SYT9: variants seen among roughly 807,000 people sequenced by gnomAD.
SYT9 encodes synaptotagmin 9, also known as synaptotagmin-9.
A neutral mutation model predicts 48.4 loss-of-function variants in SYT9; 22 were observed. The observed-to-expected ratio is 0.45, with a 90% CI of 0.32 to 0.65. SYT9 has a LOEUF of 0.65. Among genes scored for constraint, SYT9 ranks in the 30% least tolerant of loss-of-function variants. The pLI is 0.03. For missense variants in SYT9, 577 were observed against 622.0 expected, an observed-to-expected ratio of 0.93 and a Z score of 0.77; for synonymous variants, 265 against 245.0, an observed-to-expected ratio of 1.08 and a Z score of -0.76.
At chr11:7,408,773 G>A (rs1199394833) in intron 3 of SYT9, among the ~76,000 whole-genome samples, 1 of 152,100 alleles carries the variant, frequency 6.6e-6, no homozygotes, top group African/African-American at 2.4e-5. Context: ...CAAAGAAATG[G>A]TTGACTTCCT....
In SYT9 at chr11:7,252,430, G is replaced by A; in HGVS notation, c.145+99G>A. 1.6e-6 allele frequency: 2 copies of A among 1,283,554 alleles called. No homozygotes were observed. The allele number at this position is 1,283,554 out of a possible 1,614,324, so 79.5% of individuals were successfully genotyped here. ...GGCAGAACAGCGACGCGGACTGGGAGAGGGCGGGGGGCGGCCACCGAGCCA... is the reference window on the plus strand; with the variant it reads ...GGCAGAACAGCGACGCGGACTGGGAAAGGGCGGGGGGCGGCCACCGAGCCA... On this transcript the variant is annotated intron_variant, in intron 1 of 6. Transcript: ENST00000318881. The surrounding 1 kb of genome is among the most constrained non-coding windows in gnomAD (Gnocchi z 6.3).
chr11:7,419,357 C>A (rs1260154809), intron 5 of SYT9, among the ~76,000 whole-genome samples: 1 of 151,936 alleles, frequency 6.6e-6, no homozygotes, highest in Non-Finnish European at 1.5e-5. Flanking sequence ...TTTTAATGGG[C>A]AGAGACTCAA....
At chr11:7,448,185 G>A (rs1211267675) in intron 6 of SYT9, among the ~76,000 whole-genome samples, 1 of 152,232 alleles carries the variant, frequency 6.6e-6, no homozygotes, top group Non-Finnish European at 1.5e-5. Context: ...CCTAAATATT[G>A]TTGAGACAGT....
At chr11:7,346,821 T>C (rs1485832490) in intron 3 of SYT9, among the ~76,000 whole-genome samples, 1 of 152,260 alleles carries the variant, frequency 6.6e-6, no homozygotes, top group African/African-American at 2.4e-5. Context: ...ATAGTCCCTC[T>C]GCCCTAAAGT....
intron 3 of SYT9, among the ~76,000 whole-genome samples, chr11:7,367,395 C>T (rs1850274388): frequency 1.3e-5 from 2 of 152,040 alleles, no homozygotes; most frequent in African/African-American, 4.8e-5. Flanking sequence ...AGGAGACCAT[C>T]TTTATAGCTG....
At chr11:7,282,909 AACACACAC>A (rs567480393) in intron 1 of SYT9, among the ~76,000 whole-genome samples, 1 of 147,858 alleles carries the variant, frequency 6.8e-6, no homozygotes, top group African/African-American at 2.6e-5. Context: ...ACCGTGTTAA[AACACACAC>A]ACACACACGC....
chr11:7,451,414 C>T lies in SYT9; in HGVS notation c.1468-15378C>T, dbSNP rs529756960. Among the ~76,000 whole-genome samples, 16 of 152,342 alleles carry T rather than the reference C, an allele frequency of 1.1e-4. No homozygotes were observed. In the South Asian group the frequency reaches 2.7e-3, roughly 26 times the overall value. ...CCCCAAAGCAGAACATAATTTCCCT[C>T]GCTATCTTAGCTTGAAAAGGCCTGA... On this transcript the variant is annotated intron_variant, in intron 6 of 6. Transcript: ENST00000318881.
chr11:7,259,181 A>T (rs1250280092), intron 1 of SYT9, among the ~76,000 whole-genome samples: 4 of 152,182 alleles, frequency 2.6e-5, no homozygotes, highest in Non-Finnish European at 4.4e-5. Context: ...AATGCATGCG[A>T]AATACCATAG....
intron 3 of SYT9, among the ~76,000 whole-genome samples, chr11:7,414,067 T>A (rs1358573938): frequency 6.6e-6 from 1 of 152,198 alleles, no homozygotes; most frequent in Non-Finnish European, 1.5e-5. Context: ...CAAACCACCA[T>A]ACCTAGCATG....
chr11:7,435,748 C>A (rs766914046), intron 6 of SYT9: 1 of 152,086 alleles, frequency 6.6e-6, no homozygotes, highest in African/African-American at 2.4e-5. Context: ...TGGGAGGCTG[C>A]GGGGAGTGGA....
intron 3 of SYT9, among the ~76,000 whole-genome samples, chr11:7,363,515 GAT>G (rs1850185050): frequency 6.6e-6 from 1 of 152,162 alleles, no homozygotes; most frequent in Admixed American, 6.5e-5. Flanking sequence ...TAGGCTGTTA[GAT>G]AAATGGGCTT....
intron 2 of SYT9, among the ~76,000 whole-genome samples, 154 bp downstream of exon 2, chr11:7,303,544 G>A (rs1848976735): frequency 6.6e-6 from 1 of 152,112 alleles, no homozygotes; most frequent in South Asian, 2.1e-4. Context: ...TGCTTCCTAC[G>A]CCCTCCTTGG....
chr11:7,414,960 C>G lies in SYT9; in HGVS notation c.1045-1082C>G, dbSNP rs141667140. 7.2e-4 allele frequency among the ~76,000 whole-genome samples: 109 copies of G among 152,294 alleles called. 1 individual carries two copies. The highest frequency in any genetic ancestry group is 2.4e-3 in the African/African-American group (98 of 41,550). On this transcript the variant is annotated intron_variant, in intron 3 of 6. Transcript: ENST00000318881. ...CTCAGCTCGATAACCTCAGGTATCT[C>G]TCAGAAATTGAAACGAAATGAAATG...
At chr11:7,397,603 A>G (rs576114027) in intron 3 of SYT9, among the ~76,000 whole-genome samples, 98 of 152,306 alleles carry the variant, frequency 6.4e-4, no homozygotes, top group African/African-American at 2.2e-3. Flanking sequence ...TTATAGATCA[A>G]TGGGAATGAA....
At chr11:7,356,569 C>T (rs915982097) in intron 3 of SYT9, among the ~76,000 whole-genome samples, 3 of 152,186 alleles carry the variant, frequency 2.0e-5, no homozygotes, top group Admixed American at 6.5e-5. Context: ...TCCACTGATG[C>T]TCCTTTCCTT....
chr11:7,416,227 T>C (rs1055626417), intron 4 of SYT9, 65 bp downstream of exon 4: 30 of 1,592,364 alleles, frequency 1.9e-5, no homozygotes, highest in Non-Finnish European at 2.5e-5. Context: ...TTATAAAGTT[T>C]TAGTATGGTA....
intron 6 of SYT9, among the ~76,000 whole-genome samples, chr11:7,455,564 T>C (rs1008007402): frequency 6.6e-6 from 1 of 151,992 alleles, no homozygotes; most frequent in Non-Finnish European, 1.5e-5. Context: ...GGTCCTGTAC[T>C]CCTGGATCCA....
intron 1 of SYT9, among the ~76,000 whole-genome samples, chr11:7,263,200 A>G (rs1401000141): frequency 6.6e-6 from 1 of 152,210 alleles, no homozygotes; most frequent in African/African-American, 2.4e-5. Flanking sequence ...TAGCTTATGA[A>G]CAACAGACAT....
intron 6 of SYT9, chr11:7,454,160 G>T (rs566769868): frequency 1.0e-6 from 1 of 985,346 alleles, no homozygotes; most frequent in Admixed American, 6.1e-5. Flanking sequence ...CTTGATGAGA[G>T]TCCAAGCCTC....
Sources: gnomAD v4.1 joint callset for allele counts (sites outside exome capture counted in the v4.1 genomes callset) on GRCh38, gnomAD v4.1.1 for gene constraint, Gnocchi (gnomAD v3.1) non-coding constraint, MANE v1.5 for transcripts, NCBI Gene and HGNC (gene_info 2026-07-23, HGNC 2026-07-21) for gene names.